The following BTBD9 variants were observed in gnomAD, a reference collection of about 807,000 sequenced individuals.
BTBD9 encodes the protein BTB/POZ domain-containing protein 9.
A neutral mutation model predicts 64.3 loss-of-function variants in BTBD9; 49 were observed. The observed-to-expected ratio is 0.76, with a 90% CI of 0.61 to 0.97. The LOEUF is 0.97. Ranked by LOEUF, BTBD9 falls within the 50% of genes least tolerant of loss-of-function variation. BTBD9 has a pLI of 0.00. For missense variants in BTBD9, 598 were observed against 762.1 expected (o/e 0.78, Z 2.53); for synonymous variants, 260 against 274.7 (o/e 0.95, Z 0.53).
At chr6:38,360,443 TA>T (rs1764903296) in intron 6 of BTBD9, among the ~76,000 whole-genome samples, 1 of 152,140 alleles carries the variant, frequency 6.6e-6, no homozygotes, top group Non-Finnish European at 1.5e-5. Flanking sequence ...AGTCAATCTC[TA>T]AAAAAGGTCC....
chr6:38,188,292 A>G (rs1761906426), intron 10 of BTBD9, among the ~76,000 whole-genome samples: 1 of 152,224 alleles, frequency 6.6e-6, no homozygotes, highest in Non-Finnish European at 1.5e-5. Flanking sequence ...CTGCTCTGCT[A>G]GCTGCTACTT....
intron 6 of BTBD9, among the ~76,000 whole-genome samples, chr6:38,500,516 C>T (rs548405173): frequency 6.6e-6 from 1 of 152,308 alleles, no homozygotes; most frequent in South Asian, 2.1e-4. Context: ...CATTTAATTT[C>T]TCACTCCTCC....
At chr6:38,378,121 C>G (rs1261383408) in intron 6 of BTBD9, among the ~76,000 whole-genome samples, 2 of 152,196 alleles carry the variant, frequency 1.3e-5, no homozygotes, top group Non-Finnish European at 2.9e-5. Flanking sequence ...TCGGGGAACC[C>G]TCCCCCTTAT....
chr6:38,222,690 T>C (rs1175277597), intron 9 of BTBD9, among the ~76,000 whole-genome samples: 3 of 152,162 alleles, frequency 2.0e-5, no homozygotes, highest in Non-Finnish European at 4.4e-5. Flanking sequence ...AATACTCACA[T>C]TTGTATTCTT....
rs1776616698 is a variant in BTBD9, at chr6:38,587,969, T to G, written c.814+4607A>C. The stretch of plus-strand genomic sequence containing the variant: ...AGGAACATCTGACAGCATTGCCGCC[T>G]CCTCCTCAGTAGCAGCTCACCCACC... On this transcript the variant is annotated intron_variant, in intron 4 of 10. Coordinates refer to ENST00000481247, the MANE Select transcript of BTBD9 (RefSeq NM_001099272.2). 26 of 736,938 alleles carry G rather than the reference T, an allele frequency of 3.5e-5. 1 individual carries two copies. The South Asian group carries it at 3.7e-4, about 10-fold the overall frequency. The allele number at this position is 736,938 out of a possible 1,614,324, so 45.6% of individuals were successfully genotyped here. A position where few individuals can be genotyped will look rare whatever the true frequency, so the allele number is the denominator to read the frequency against.
chr6:38,616,054 G>A (rs973728963), intron 1 of BTBD9, among the ~76,000 whole-genome samples: 5 of 152,192 alleles, frequency 3.3e-5, no homozygotes, highest in African/African-American at 1.2e-4. Flanking sequence ...GCTGACTGGA[G>A]GGAGATTCTC....
intron 6 of BTBD9, among the ~76,000 whole-genome samples, chr6:38,469,446 G>A (rs1036140300): frequency 2.6e-5 from 4 of 151,638 alleles, no homozygotes; most frequent in African/African-American, 7.3e-5. Flanking sequence ...AGCCTCCAGC[G>A]TAGCTGGGAC....
chr6:38,263,556 G>A (rs916717828), intron 8 of BTBD9, among the ~76,000 whole-genome samples: 1 of 152,194 alleles, frequency 6.6e-6, no homozygotes, highest in African/African-American at 2.4e-5. Context: ...AATTATGTGA[G>A]ATTCCAGCCT....
chr6:38,414,017 G>A (rs140803191), intron 6 of BTBD9, among the ~76,000 whole-genome samples: 15 of 152,248 alleles, frequency 9.9e-5, no homozygotes, highest in Admixed American at 2.0e-4. Flanking sequence ...GACAAGTGCT[G>A]TTATTGTAGC....
chr6:38,454,557 G>C (rs917450741), intron 6 of BTBD9, among the ~76,000 whole-genome samples: 1 of 150,324 alleles, frequency 6.7e-6, no homozygotes, highest in African/African-American at 2.4e-5. Context: ...TAGCACTTAG[G>C]AGGCCGACAC....
intron 6 of BTBD9, among the ~76,000 whole-genome samples, chr6:38,416,946 G>A (rs1413026001): frequency 6.6e-6 from 1 of 151,974 alleles, no homozygotes; most frequent in South Asian, 2.1e-4. Context: ...TTTGTTGTTT[G>A]TTTGTTTTGA....
At chr6:38,357,527 A>G (rs78997584) in intron 6 of BTBD9, among the ~76,000 whole-genome samples, 3,685 of 152,200 alleles carry the variant, frequency 0.024, 165 homozygotes, top group African/African-American at 0.084. Context: ...AACCTTAACT[A>G]TTTTTCACAA....
chr6:38,308,212 G>A (rs1454861556), intron 7 of BTBD9, among the ~76,000 whole-genome samples: 1 of 152,180 alleles, frequency 6.6e-6, no homozygotes, highest in Admixed American at 6.5e-5. Flanking sequence ...CACTCTGAAG[G>A]TGAGGCCTTG....
chr6:38,388,691 T>C (rs1766287151), intron 6 of BTBD9, among the ~76,000 whole-genome samples: 1 of 152,188 alleles, frequency 6.6e-6, no homozygotes, highest in Admixed American at 6.5e-5. Context: ...TGTCCATCAA[T>C]CCTTTGGCCA....
chr6:38,410,956 C>A (rs202022990), intron 6 of BTBD9, among the ~76,000 whole-genome samples: 1 of 152,000 alleles, frequency 6.6e-6, no homozygotes, highest in African/African-American at 2.4e-5. Context: ...CCAGTCCAAC[C>A]TCTCTCTCTT....
rs559996906 is a variant in BTBD9, at chr6:38,354,779, A to G, written c.1155-9686T>C. 2.0e-5 allele frequency among the ~76,000 whole-genome samples: 3 copies of G among 152,324 alleles called. No homozygotes were observed. The South Asian group carries it at 6.2e-4, about 32-fold the overall frequency. On this transcript the variant is annotated intron_variant, in intron 6 of 10. Coordinates refer to ENST00000481247, the MANE Select transcript of BTBD9 (RefSeq NM_001099272.2). ...TTAGCATGCAATTTGAGCATCAATA[A>G]ACTTATGCATAAAGCTACCAAAAAG...
intron 9 of BTBD9, among the ~76,000 whole-genome samples, chr6:38,235,404 C>CT (rs994418677): frequency 6.6e-6 from 1 of 152,138 alleles, no homozygotes; most frequent in African/African-American, 2.4e-5. Flanking sequence ...TAGAACCAAC[C>CT]TTCAGGGCTG....
chr6:38,174,018 TGGGCA>T lies in BTBD9; in HGVS notation c.*962_*966del, dbSNP rs1257949427. On this transcript the variant is annotated 3_prime_UTR_variant, in exon 11 of 11. Transcript: ENST00000481247. The stretch of plus-strand genomic sequence containing the variant: ...CCCAGTTCTGCGTTCCTGACGCTGA[TGGGCA>T]GGTGGCTGCCTCTCCAATGCTTCGA... 1.3e-5 allele frequency: 2 copies of T among 152,248 alleles called. No individual in the cohort carries two copies. Among genetic ancestry groups the T allele is most frequent in the East Asian group, 3.8e-4 (2 of 5,200 alleles). The allele number at this position is 152,248 out of a possible 1,614,324, so 9.4% of individuals were successfully genotyped here.
Position 38,548,923 on chromosome 6 carries a change from C to A in BTBD9, c.1154+28677G>T, listed in dbSNP as rs144318718. The stretch of plus-strand genomic sequence containing the variant: ...AAAGGCACCAGGAAAAAATCAATAA[C>A]TGCAGAAAGGGACAAGAGAACCCAT... On this transcript the variant is annotated intron_variant, in intron 6 of 10. Transcript: ENST00000481247. 5.4e-3 allele frequency among the ~76,000 whole-genome samples: 826 copies of A among 152,280 alleles called. 5 individuals carry two copies. Among genetic ancestry groups the A allele is most frequent in the African/African-American group, 0.019 (777 of 41,568 alleles).
Sources: allele counts gnomAD v4.1 joint callset (sites outside exome capture counted in the v4.1 genomes callset), GRCh38; gene constraint gnomAD v4.1.1; transcripts MANE v1.5; gene names NCBI Gene and HGNC (gene_info 2026-07-23, HGNC 2026-07-21).